Variants in FAM117B observed in about 807,000 individuals in gnomAD.
The protein encoded by FAM117B is family with sequence similarity 117 member B, also known as protein FAM117B.
FAM117B carries 22 observed loss-of-function variants against 52.8 expected under a neutral mutation model. The observed-to-expected ratio is 0.42, with a 90% CI of 0.30 to 0.59. FAM117B has a LOEUF of 0.59. Ranked by LOEUF, FAM117B falls within the 20% of genes least tolerant of loss-of-function variation. The pLI is 0.22. For synonymous variants in FAM117B, 309 were observed against 324.1 expected, an observed-to-expected ratio of 0.95 and a Z score of 0.50; for missense variants, 678 against 802.6, an observed-to-expected ratio of 0.84 and a Z score of 1.88.
Position 202,767,692 on chromosome 2 carries a change from T to C in FAM117B, c.*1928T>C, listed in dbSNP as rs1692004653. The C allele has an allele frequency of 6.6e-6, 1 of 152,196 alleles. No individual in the cohort carries two copies. The highest frequency in any genetic ancestry group is 1.5e-5 in the Non-Finnish European group (1 of 68,036). 9.4% of individuals were successfully genotyped at this position (152,196 alleles called of 1,614,324 possible). On this transcript the variant is annotated 3_prime_UTR_variant, in exon 8 of 8. Coordinates refer to ENST00000392238, the MANE Select transcript of FAM117B (RefSeq NM_173511.4). ...AAACCTAGTGGTAGCAATAAATCTT[T>C]GGAAAGGACTTCTTATACTCATGTA... is the stretch of plus-strand genomic sequence containing the variant.
At chr2:202,739,073 C>T (rs2105792358) in intron 4 of FAM117B, among the ~76,000 whole-genome samples, 1 of 152,238 alleles carries the variant, frequency 6.6e-6, no homozygotes, top group African/African-American at 2.4e-5. Context: ...CCTGTAATCC[C>T]AGCTACTCAG....
At chr2:202,734,016 T>C (rs1691400018) in intron 4 of FAM117B, among the ~76,000 whole-genome samples, 1 of 152,330 alleles carries the variant, frequency 6.6e-6, no homozygotes, top group South Asian at 2.1e-4. Context: ...AACCGATAAA[T>C]GTCCATGAAA....
chr2:202,730,097 A>G (rs943427382), intron 4 of FAM117B, among the ~76,000 whole-genome samples: 1 of 152,252 alleles, frequency 6.6e-6, no homozygotes, highest in African/African-American at 2.4e-5. Flanking sequence ...GTTGAATTCT[A>G]TTAAAAGGGT....
intron 1 of FAM117B, among the ~76,000 whole-genome samples, chr2:202,677,073 T>G (rs115013607): frequency 0.012 from 1,780 of 151,798 alleles, 15 homozygotes; most frequent in Non-Finnish European, 0.018. Context: ...CTTTTTTTTT[T>G]TTTTTCCTTT....
rs142879660 is a variant in FAM117B, at chr2:202,635,123, T to TC, written c.-60dup. 2,633 of 1,247,026 alleles carry TC rather than the reference T, an allele frequency of 2.1e-3. 44 individuals carry two copies. In the African/African-American group the frequency reaches 0.036, roughly 17 times the overall value. The allele number at this position is 1,247,026 out of a possible 1,614,324, so 77.2% of individuals were successfully genotyped here. A position where few individuals can be genotyped will look rare whatever the true frequency, so the allele number is the denominator to read the frequency against. On this transcript the variant is annotated 5_prime_UTR_variant, in exon 1 of 8. Coordinates refer to ENST00000392238, the MANE Select transcript of FAM117B (RefSeq NM_173511.4). Reference sequence around the variant, plus strand: ...GCCTGCCCTCCGGCCTCGAGAATCCTCCCCCTGCAGCCCAACAACAACAAA... The same window carrying TC: ...GCCTGCCCTCCGGCCTCGAGAATCCTCCCCCCTGCAGCCCAACAACAACAAA...
At chr2:202,719,499 A>G (rs550179695) in intron 2 of FAM117B, among the ~76,000 whole-genome samples, 15 of 152,252 alleles carry the variant, frequency 9.9e-5, no homozygotes, top group African/African-American at 3.6e-4. Context: ...ATTTTGCTTT[A>G]TTTTTGTGTC....
rs992711977 is a variant in FAM117B, at chr2:202,698,776, A to G, written c.753+2744A>G. Among the ~76,000 whole-genome samples the G allele has an allele frequency of 3.9e-5, 6 of 152,276 alleles. No individual in the cohort carries two copies. The East Asian group carries it at 5.8e-4, about 15-fold the overall frequency. ...CTGTGAAACTCTGTAGTTATTCACA[A>G]TCTGTAACTTTGCTGAGCTTAGGGC... On this transcript the variant is annotated intron_variant, in intron 2 of 7. Transcript: ENST00000392238.
intron 4 of FAM117B, among the ~76,000 whole-genome samples, chr2:202,741,870 A>C (rs1691545770): frequency 6.6e-6 from 1 of 152,166 alleles, no homozygotes; most frequent in Admixed American, 6.5e-5. Flanking sequence ...CATAGCATTA[A>C]CAAGCTAAAA....
intron 1 of FAM117B, among the ~76,000 whole-genome samples, chr2:202,680,634 C>CA (rs957725764): frequency 1.9e-4 from 28 of 150,952 alleles, no homozygotes; most frequent in Admixed American, 3.3e-4. Context: ...GAGAAACAGC[C>CA]AAAAAAAAGG....
intron 1 of FAM117B, among the ~76,000 whole-genome samples, chr2:202,666,282 A>G (rs889447126): frequency 1.3e-5 from 2 of 152,158 alleles, no homozygotes; most frequent in Non-Finnish European, 2.9e-5. Context: ...GAAAATTGAA[A>G]AAAAATAGAA....
At chr2:202,647,434 A>T (rs749030892) in intron 1 of FAM117B, among the ~76,000 whole-genome samples, 1 of 152,240 alleles carries the variant, frequency 6.6e-6, no homozygotes, top group African/African-American at 2.4e-5. Flanking sequence ...GTGTATATAT[A>T]TTTTTTTCTG....
intron 1 of FAM117B, among the ~76,000 whole-genome samples, chr2:202,680,551 G>C (rs1690447937): frequency 1.3e-5 from 2 of 151,960 alleles, no homozygotes; most frequent in East Asian, 1.9e-4. Context: ...ACCATAATCA[G>C]ATGGCTGAAA....
At chr2:202,737,381 A>G (rs1014150106) in intron 4 of FAM117B, among the ~76,000 whole-genome samples, 10 of 152,130 alleles carry the variant, frequency 6.6e-5, no homozygotes, top group Non-Finnish European at 1.2e-4. Context: ...CACCACCACT[A>G]TAGTCAAGAT....
intron 2 of FAM117B, among the ~76,000 whole-genome samples, chr2:202,708,789 A>G (rs1690915486): frequency 6.6e-6 from 1 of 152,094 alleles, no homozygotes; most frequent in African/African-American, 2.4e-5. Context: ...AAAATTTTAG[A>G]GATGGAGTGT....
chr2:202,740,057 C>G (rs1195481082), intron 4 of FAM117B, among the ~76,000 whole-genome samples: 1 of 150,846 alleles, frequency 6.6e-6, no homozygotes, highest in Non-Finnish European at 1.5e-5. Context: ...CCTGTAGTCC[C>G]AGCTACTTCG....
At chr2:202,759,750 G>C (rs1691856581) in intron 7 of FAM117B, among the ~76,000 whole-genome samples, 1 of 151,936 alleles carries the variant, frequency 6.6e-6, no homozygotes, top group African/African-American at 2.4e-5. Flanking sequence ...GTAGGGATGG[G>C]GTTTCACCGC....
Position 202,757,408 on chromosome 2 carries a change from G to A in FAM117B, c.1300G>A (p.Asp434Asn). The change falls in exon 6 of 8, where the codon GAT becomes AAT. Residue 434 changes from aspartate (D) to asparagine (N), a missense_variant. Coordinates refer to ENST00000392238, the MANE Select transcript of FAM117B (RefSeq NM_173511.4). ...TAGCGAGGAGAGTCCTTGCTCAGCG[G>A]ATGACCTGCTTGTTGATCCCAGAGA... The part of the protein sequence containing the change: ...EGSEESPCSA[D>N]DLLVDPRDKE... The A allele has an allele frequency of 6.2e-7, 1 of 1,614,022 alleles. No homozygotes were observed. The highest frequency in any genetic ancestry group is 8.5e-7 in the Non-Finnish European group (1 of 1,179,996).
chr2:202,667,869 G>A (rs1690229119), intron 1 of FAM117B, among the ~76,000 whole-genome samples: 2 of 151,886 alleles, frequency 1.3e-5, no homozygotes, highest in Non-Finnish European at 2.9e-5. Flanking sequence ...ACAGAAAAGA[G>A]TAGTGGATTG....
intron 4 of FAM117B, among the ~76,000 whole-genome samples, chr2:202,736,877 C>G (rs922373119): frequency 5.9e-5 from 9 of 152,180 alleles, no homozygotes; most frequent in African/African-American, 2.2e-4. Context: ...ATAGACCTTT[C>G]TCCATCCTAC....
Sources: allele counts gnomAD v4.1 joint callset (sites outside exome capture counted in the v4.1 genomes callset), GRCh38; gene constraint gnomAD v4.1.1; transcripts MANE v1.5; gene names NCBI Gene and HGNC (gene_info 2026-07-23, HGNC 2026-07-21).